EYS: variants seen among roughly 807,000 people sequenced by gnomAD.
The protein encoded by EYS is protein eyes shut homolog.
In EYS, 250 loss-of-function variants were observed where a neutral mutation model predicts 282.1. The ratio of observed to expected loss-of-function variants is 0.89; its 90% CI spans 0.80 to 0.98. The LOEUF (loss-of-function observed/expected upper bound fraction) is 0.98. Among genes scored for constraint, EYS ranks in the 50% least tolerant of loss-of-function variants. EYS has a pLI of 0.00. For missense variants in EYS, 4,016 were observed against 3,709.0 expected, an observed-to-expected ratio of 1.08 and a Z score of -2.15; for synonymous variants, 1,355 against 1,282.9, an observed-to-expected ratio of 1.06 and a Z score of -1.20.
At chr6:64,999,484 G>A (rs971964570) in intron 13 of EYS, among the ~76,000 whole-genome samples, 1 of 152,192 alleles carries the variant, frequency 6.6e-6, no homozygotes, top group Non-Finnish European at 1.5e-5. Flanking sequence ...GCTGGGTAGA[G>A]GAGGGCGTGG....
chr6:64,788,277 T>A (rs931879826), intron 22 of EYS, among the ~76,000 whole-genome samples: 1 of 152,090 alleles, frequency 6.6e-6, no homozygotes, highest in Non-Finnish European at 1.5e-5. Context: ...TTTCTTTCCC[T>A]GAGGTGGGGG....
chr6:64,776,725 T>C (rs189452238), intron 22 of EYS, among the ~76,000 whole-genome samples: 5 of 152,234 alleles, frequency 3.3e-5, no homozygotes, highest in Admixed American at 1.3e-4. Flanking sequence ...CTTTTGGTGC[T>C]TAGGGAATGA....
intron 12 of EYS, among the ~76,000 whole-genome samples, chr6:65,059,761 T>G (rs1447194186): frequency 1.3e-5 from 2 of 152,138 alleles, no homozygotes; most frequent in Non-Finnish European, 2.9e-5. Flanking sequence ...TGTTTAAGTT[T>G]AGTCACACTG....
At chr6:63,885,393 A>G (rs1194011661) in intron 35 of EYS, among the ~76,000 whole-genome samples, 1 of 151,986 alleles carries the variant, frequency 6.6e-6, no homozygotes, top group Admixed American at 6.6e-5. Context: ...CTCATAATTT[A>G]AGGACTCTTC....
At chr6:63,772,585 A>C (rs1769960165) in intron 40 of EYS, among the ~76,000 whole-genome samples, 2 of 152,158 alleles carry the variant, frequency 1.3e-5, no homozygotes, top group African/African-American at 4.8e-5. Flanking sequence ...TTTAGGCTAT[A>C]ATCTACTGTA....
rs536330748 is a variant in EYS, at chr6:64,650,568, T to A, written c.3444-24323A>T. 5.9e-5 allele frequency among the ~76,000 whole-genome samples: 9 copies of A among 151,586 alleles called. No individual in the cohort carries two copies. In the South Asian group the frequency reaches 1.9e-3, roughly 32 times the overall value. ...TGCTTATAAACCTATACTAAGTGAATGCTTTTTCAAAGAAAATATAAACTT... is the reference window on the plus strand; with the variant it reads ...TGCTTATAAACCTATACTAAGTGAAAGCTTTTTCAAAGAAAATATAAACTT... On this transcript the variant is annotated intron_variant, in intron 22 of 42. Transcript: ENST00000503581.
chr6:65,040,899 T>C (rs888973356), intron 13 of EYS, among the ~76,000 whole-genome samples: 1 of 151,706 alleles, frequency 6.6e-6, no homozygotes, highest in Non-Finnish European at 1.5e-5. Context: ...CCACAATAAC[T>C]AAGATGCTCA....
chr6:64,438,285 T>C (rs919768287), intron 27 of EYS, among the ~76,000 whole-genome samples: 1 of 151,796 alleles, frequency 6.6e-6, no homozygotes, highest in Admixed American at 6.6e-5. Flanking sequence ...GTTAACTCAG[T>C]TGTGTCTATC....
At chr6:63,897,842 A>C (rs1292751976) in intron 35 of EYS, among the ~76,000 whole-genome samples, 1 of 152,170 alleles carries the variant, frequency 6.6e-6, no homozygotes, top group Non-Finnish European at 1.5e-5. Context: ...ACACCAGGGT[A>C]TGGTGCTTTT....
rs12110348 is a variant in EYS, at chr6:65,282,980, A to G, written c.2023+12883T>C. Among the ~76,000 whole-genome samples, 556 of 152,044 alleles carry G rather than the reference A, an allele frequency of 3.7e-3. 7 individuals are homozygous for G. The highest frequency in any genetic ancestry group is 0.013 in the African/African-American group (532 of 41,544). ...TTCATTTTACAGGTAGGCAAAATTA[A>G]ATATATATACATCCACATGCTAAAA... On this transcript the variant is annotated intron_variant, in intron 12 of 42. Coordinates refer to ENST00000503581, the MANE Select transcript of EYS (RefSeq NM_001142800.2).
At chr6:65,576,939 A>T (rs1039061314) in intron 2 of EYS, among the ~76,000 whole-genome samples, 3 of 151,868 alleles carry the variant, frequency 2.0e-5, no homozygotes, top group African/African-American at 4.8e-5. Context: ...TAAATAAAAC[A>T]TATCTCCTCT....
At chr6:63,942,387 G>C (rs1765268778) in intron 35 of EYS, among the ~76,000 whole-genome samples, 1 of 152,164 alleles carries the variant, frequency 6.6e-6, no homozygotes, top group Admixed American at 6.5e-5. Flanking sequence ...AAAAAAGGCA[G>C]CAGGAGAAGG....
chr6:64,370,822 T>C (rs1337216269), intron 29 of EYS, among the ~76,000 whole-genome samples: 1 of 152,156 alleles, frequency 6.6e-6, no homozygotes, highest in Non-Finnish European at 1.5e-5. Flanking sequence ...GTGTTCATAA[T>C]AGTCTCTGAC....
At chr6:64,088,909 A>C (rs1240179146) in intron 31 of EYS, among the ~76,000 whole-genome samples, 3 of 152,066 alleles carry the variant, frequency 2.0e-5, no homozygotes, top group Admixed American at 6.6e-5. Context: ...ACACTAATAC[A>C]CATAAAGCTA....
chr6:64,363,185 C>T (rs1274043398), intron 29 of EYS, among the ~76,000 whole-genome samples: 1 of 151,794 alleles, frequency 6.6e-6, no homozygotes, highest in Non-Finnish European at 1.5e-5. Flanking sequence ...TGTGATTCTG[C>T]ATATAATCAA....
intron 36 of EYS, among the ~76,000 whole-genome samples, chr6:63,834,761 A>T (rs1305231818): frequency 6.6e-6 from 1 of 151,970 alleles, no homozygotes; most frequent in Non-Finnish European, 1.5e-5. Flanking sequence ...GTGTATGTTT[A>T]CTGTGGCACT....
intron 26 of EYS, among the ~76,000 whole-genome samples, chr6:64,494,691 C>A (rs546972513): frequency 6.6e-6 from 1 of 151,624 alleles, no homozygotes; most frequent in Admixed American, 6.6e-5. Flanking sequence ...ATTGAAAAAA[C>A]CACTACTCTT....
At position 64,117,328 on chromosome 6, in the gene EYS, A is replaced by ACC. The variant is rs35744765; in HGVS notation, c.6425-35328_6425-35327dup. Among the ~76,000 whole-genome samples the ACC allele has an allele frequency of 5.9e-3, 840 of 141,552 alleles. 3 individuals carry two copies. The highest frequency in any genetic ancestry group is 0.016 in the African/African-American group (638 of 38,754). The allele number at this position is 141,552 out of a possible 152,430, so 92.9% of individuals were successfully genotyped here. Reference sequence around the variant, plus strand: ...TCAAGGAACTAGAAAGAGAGGAACAACCCCCCCCCCAATTAGTAGAAGGAA... The same window carrying ACC: ...TCAAGGAACTAGAAAGAGAGGAACAACCCCCCCCCCCCAATTAGTAGAAGGAA... On this transcript the variant is annotated intron_variant, in intron 31 of 42. Transcript: ENST00000503581.
chr6:64,138,045 ATAAT>A (rs1774220973), intron 31 of EYS, among the ~76,000 whole-genome samples: 2 of 152,200 alleles, frequency 1.3e-5, no homozygotes, highest in Non-Finnish European at 2.9e-5. Context: ...CTTAGAAATG[ATAAT>A]TAATGTCAAA....
Sources: gnomAD v4.1 joint callset for allele counts (sites outside exome capture counted in the v4.1 genomes callset) on GRCh38, gnomAD v4.1.1 for gene constraint, MANE v1.5 for transcripts, NCBI Gene and HGNC (gene_info 2026-07-23, HGNC 2026-07-21) for gene names.